Variants in ARHGEF28 observed in about 807,000 individuals in gnomAD.
The protein encoded by ARHGEF28 is 190 kDa guanine nucleotide exchange factor.
ARHGEF28 carries 152 observed loss-of-function variants against 206.6 expected under a neutral mutation model. The observed-to-expected ratio is 0.74, with a 90% CI of 0.64 to 0.84. The LOEUF is 0.84. ARHGEF28 is among the 40% of genes least tolerant of loss of function. ARHGEF28 has a pLI of 0.00. For missense variants in ARHGEF28, 2,028 were observed against 2,073.2 expected, an observed-to-expected ratio of 0.98 and a Z score of 0.42; for synonymous variants, 763 against 776.4, an observed-to-expected ratio of 0.98 and a Z score of 0.29.
intron 1 of ARHGEF28, among the ~76,000 whole-genome samples, chr5:73,645,889 A>T (rs1744395566): frequency 6.7e-6 from 1 of 148,686 alleles, no homozygotes; most frequent in Non-Finnish European, 1.5e-5. Flanking sequence ...CTTGGTTTGG[A>T]TGTCCATATC....
chr5:73,793,331 A>C (rs1051678239), intron 7 of ARHGEF28, among the ~76,000 whole-genome samples: 1 of 152,246 alleles, frequency 6.6e-6, no homozygotes, highest in Non-Finnish European at 1.5e-5. Context: ...ATGTAGAGCC[A>C]TATAAATGAA....
Position 73,638,033 on chromosome 5 carries a change from A to G in ARHGEF28, c.-12+11711A>G, listed in dbSNP as rs191964173. Among the ~76,000 whole-genome samples the G allele has an allele frequency of 8.5e-5, 13 of 152,340 alleles. No individual in the cohort carries two copies. The East Asian group carries it at 2.5e-3, about 29-fold the overall frequency. On this transcript the variant is annotated intron_variant, in intron 1 of 35. Transcript: ENST00000513042. Reference sequence around the variant, plus strand: ...AGAAACAAGTGAATTTAAGAAATTGATGTTTTAATTAAAATCTGTAATTGG... The same window carrying G: ...AGAAACAAGTGAATTTAAGAAATTGGTGTTTTAATTAAAATCTGTAATTGG...
chr5:73,923,954 A>G (rs1253078241), intron 35 of ARHGEF28, among the ~76,000 whole-genome samples: 1 of 152,192 alleles, frequency 6.6e-6, no homozygotes, highest in East Asian at 1.9e-4. Flanking sequence ...AATTTATTTT[A>G]TTTATTGAGA....
intron 4 of ARHGEF28, 43 bp from the exon 5 acceptor site, chr5:73,773,811 TG>T (rs746276969): frequency 1.3e-6 from 2 of 1,490,764 alleles, no homozygotes; most frequent in South Asian, 2.8e-5. Context: ...AAACAAACTT[TG>T]TAAATGGAGG....
At chr5:73,757,512 A>T (rs993518278) in intron 4 of ARHGEF28, among the ~76,000 whole-genome samples, 16 of 151,972 alleles carry the variant, frequency 1.1e-4, no homozygotes, top group Non-Finnish European at 1.9e-4. Context: ...TGAACTTCTC[A>T]TTTTTTTCCC....
chr5:73,750,227 G>A (rs1286644658), intron 3 of ARHGEF28, among the ~76,000 whole-genome samples: 3 of 152,126 alleles, frequency 2.0e-5, no homozygotes, highest in African/African-American at 7.2e-5. Context: ...CCTATTGACT[G>A]CACCCAACTT....
At chr5:73,825,762 A>G (rs1330474795) in intron 9 of ARHGEF28, among the ~76,000 whole-genome samples, 2 of 152,148 alleles carry the variant, frequency 1.3e-5, no homozygotes, top group African/African-American at 4.8e-5. Context: ...ACTCCAAGGA[A>G]AGACAGAGTT....
chr5:73,878,028 A>G (rs1469410721), intron 22 of ARHGEF28, among the ~76,000 whole-genome samples: 1 of 152,144 alleles, frequency 6.6e-6, no homozygotes, highest in Non-Finnish European at 1.5e-5. Context: ...GTGGGGTGTT[A>G]AAGTCTCCCA....
At chr5:73,635,191 A>G (rs12516005) in intron 1 of ARHGEF28, among the ~76,000 whole-genome samples, 3,679 of 152,246 alleles carry the variant, frequency 0.024, 139 homozygotes, top group Admixed American at 0.09. Context: ...TAAAAATACA[A>G]AATTATCCAG....
intron 1 of ARHGEF28, among the ~76,000 whole-genome samples, chr5:73,664,118 G>T (rs191000545): frequency 6.6e-6 from 1 of 152,228 alleles, no homozygotes; most frequent in East Asian, 1.9e-4. Flanking sequence ...TGTTTAACTC[G>T]GTCATCCCCA....
intron 9 of ARHGEF28, among the ~76,000 whole-genome samples, chr5:73,804,244 C>T (rs1755309518): frequency 6.6e-6 from 1 of 152,118 alleles, no homozygotes; most frequent in Non-Finnish European, 1.5e-5. Flanking sequence ...CACACAGGTG[C>T]CAAATGGAAA....
intron 10 of ARHGEF28, among the ~76,000 whole-genome samples, chr5:73,836,303 C>CTTT (rs58880911): frequency 1.1e-4 from 14 of 126,308 alleles, no homozygotes; most frequent in African/African-American, 3.2e-4. Flanking sequence ...TCCTTGTCAG[C>CTTT]TTTTTTTTTT....
chr5:73,826,531 G>A (rs1186285179), intron 9 of ARHGEF28, among the ~76,000 whole-genome samples: 11 of 152,202 alleles, frequency 7.2e-5, no homozygotes, highest in East Asian at 1.9e-4. Context: ...ATGTCTGGGC[G>A]TGGGTCTCTT....
intron 10 of ARHGEF28, among the ~76,000 whole-genome samples, chr5:73,833,190 G>A (rs1757408333): frequency 6.6e-6 from 1 of 152,164 alleles, no homozygotes; most frequent in Non-Finnish European, 1.5e-5. Context: ...GGATTTTCAA[G>A]GGTAGTTTTG....
intron 1 of ARHGEF28, among the ~76,000 whole-genome samples, chr5:73,637,170 C>G (rs767179982): frequency 3.9e-5 from 6 of 152,016 alleles, no homozygotes; most frequent in Non-Finnish European, 8.8e-5. Flanking sequence ...CTTAATGTAC[C>G]TAACCCCAGT....
At chr5:73,714,245 T>C (rs1749432805) in intron 2 of ARHGEF28, among the ~76,000 whole-genome samples, 1 of 152,148 alleles carries the variant, frequency 6.6e-6, no homozygotes, top group Non-Finnish European at 1.5e-5. Context: ...ATAGGAAGTA[T>C]GAGGGCAGGA....
chr5:73,869,745 A>G (rs901361543), intron 20 of ARHGEF28, among the ~76,000 whole-genome samples: 3 of 152,098 alleles, frequency 2.0e-5, no homozygotes, highest in Non-Finnish European at 4.4e-5. Context: ...CATCTCTACC[A>G]AAAATATAAA....
At chr5:73,687,489 C>T (rs1001240974) in intron 2 of ARHGEF28, among the ~76,000 whole-genome samples, 2 of 151,960 alleles carry the variant, frequency 1.3e-5, no homozygotes, top group Non-Finnish European at 2.9e-5. Flanking sequence ...AGCCACTTGG[C>T]CTCATCCAGC....
chr5:73,907,537 A>G (rs1233542838), intron 33 of ARHGEF28, among the ~76,000 whole-genome samples: 1 of 152,238 alleles, frequency 6.6e-6, no homozygotes, highest in African/African-American at 2.4e-5. Context: ...TACATAAACA[A>G]TTTTGAATCA....
Sources: allele counts gnomAD v4.1 joint callset (sites outside exome capture counted in the v4.1 genomes callset), GRCh38; gene constraint gnomAD v4.1.1; transcripts MANE v1.5; gene names NCBI Gene and HGNC (gene_info 2026-07-23, HGNC 2026-07-21).